XRCC4: variants seen among roughly 807,000 people sequenced by gnomAD.
XRCC4 encodes the protein X-ray repair cross complementing 4.
XRCC4 carries 28 observed loss-of-function variants against 39.1 expected under a neutral mutation model. That is an observed-to-expected ratio of 0.72 (90% CI 0.53 to 0.98). The LOEUF (loss-of-function observed/expected upper bound fraction) is 0.98, where lower values mean the gene tolerates loss of function less well. XRCC4 is among the 50% of genes least tolerant of loss of function. The pLI, the probability that XRCC4 is intolerant of heterozygous loss-of-function variation, is 0.00. For synonymous variants in XRCC4, 123 were observed against 126.4 expected (o/e 0.97, Z 0.18); for missense variants, 350 against 376.4 (o/e 0.93, Z 0.58).
At position 83,270,210 on chromosome 5, in the gene XRCC4, C is replaced by T. The variant is rs571952593; in HGVS notation, c.893+11533C>T. 8.5e-5 allele frequency among the ~76,000 whole-genome samples: 13 copies of T among 152,170 alleles called. No individual in the cohort carries two copies. The South Asian group carries it at 1.7e-3, about 19-fold the overall frequency. On this transcript the variant is annotated intron_variant, in intron 7 of 7. Coordinates refer to ENST00000396027, the MANE Select transcript of XRCC4 (RefSeq NM_003401.5). ...AGGTGGTAATGTGAGTGATGGGAGG[C>T]GGCTGTAAATACAGATGAAGCTTAC...
intron 7 of XRCC4, chr5:83,280,099 C>G: frequency 4.8e-6 from 1 of 206,668 alleles, no homozygotes; most frequent in Non-Finnish European, 1.0e-5. Flanking sequence ...CAGAGGTACA[C>G]ATTTTTCAGT....
chr5:83,269,415 A>G lies in XRCC4; in HGVS notation c.893+10738A>G, dbSNP rs375840059. On this transcript the variant is annotated intron_variant, in intron 7 of 7. Transcript: ENST00000396027. ...TACAGTACAATGTGATAATGAGGCC[A>G]ATTGGTGTAATAGTTCCAAGTACAT... 4.4e-4 allele frequency among the ~76,000 whole-genome samples: 67 copies of G among 151,234 alleles called. 1 individual carries two copies. Among genetic ancestry groups the G allele is most frequent in the African/African-American group, 1.5e-3 (63 of 41,164 alleles).
At chr5:83,351,116 TA>T (rs1021969058) in intron 7 of XRCC4, among the ~76,000 whole-genome samples, 6 of 152,106 alleles carry the variant, frequency 3.9e-5, no homozygotes, top group Non-Finnish European at 8.8e-5. Flanking sequence ...AGATCTGGTT[TA>T]AAAATGTGTG....
intron 7 of XRCC4, among the ~76,000 whole-genome samples, chr5:83,288,117 T>C (rs1754796503): frequency 6.6e-6 from 1 of 151,968 alleles, no homozygotes; most frequent in Non-Finnish European, 1.5e-5. Context: ...TTCATTTTCA[T>C]TGTGGCTTAA....
At chr5:83,265,255 G>A (rs1753914400) in intron 7 of XRCC4, among the ~76,000 whole-genome samples, 2 of 152,068 alleles carry the variant, frequency 1.3e-5, no homozygotes, top group African/African-American at 4.8e-5. Flanking sequence ...CTTTTTAAAT[G>A]TCAAATTAGG....
Position 83,313,063 on chromosome 5 carries a change from TTTTC to T in XRCC4, c.894-40064_894-40061del, listed in dbSNP as rs780514133. Reference sequence around the variant, plus strand: ...GAAACCATGCCAAAAAATGTCTCTTTTTTCTTTTCTTTTCTTTCTTTTTTTTTTT... The same window carrying T: ...GAAACCATGCCAAAAAATGTCTCTTTTTTTCTTTTCTTTCTTTTTTTTTTT... On this transcript the variant is annotated intron_variant, in intron 7 of 7. Coordinates refer to ENST00000396027, the MANE Select transcript of XRCC4 (RefSeq NM_003401.5). Among the ~76,000 whole-genome samples the T allele has an allele frequency of 1.9e-3, 241 of 126,014 alleles. 2 individuals are homozygous for T. The highest frequency in any genetic ancestry group is 0.017 in the Middle Eastern group (4 of 232). 82.7% of individuals were successfully genotyped at this position (126,014 alleles called of 152,430 possible).
chr5:83,341,563 AACT>A (rs1756760228), intron 7 of XRCC4, among the ~76,000 whole-genome samples: 1 of 152,112 alleles, frequency 6.6e-6, no homozygotes, highest in Admixed American at 6.6e-5. Flanking sequence ...TATCTTACAG[AACT>A]ACCTTTTGAG....
Position 83,298,187 on chromosome 5 carries a change from T to G in XRCC4, c.893+39510T>G, listed in dbSNP as rs752999517. Among the ~76,000 whole-genome samples the G allele has an allele frequency of 4.0e-5, 6 of 151,808 alleles. No individual in the cohort carries two copies. The East Asian group carries it at 1.2e-3, about 29-fold the overall frequency. ...TGTATGAATCCAGTCCTTTGAAGTT[T>G]GTTGAAAACCGTCTATGGCACCATA... On this transcript the variant is annotated intron_variant, in intron 7 of 7. Coordinates refer to ENST00000396027, the MANE Select transcript of XRCC4 (RefSeq NM_003401.5).
At chr5:83,350,418 C>T (rs1013119458) in intron 7 of XRCC4, among the ~76,000 whole-genome samples, 1 of 152,158 alleles carries the variant, frequency 6.6e-6, no homozygotes, top group African/African-American at 2.4e-5. Context: ...TGCAGCCTCT[C>T]CAGCATATAT....
intron 3 of XRCC4, among the ~76,000 whole-genome samples, chr5:83,192,158 T>TTATA (rs571672763): frequency 0.014 from 2,151 of 149,834 alleles, 64 homozygotes; most frequent in African/African-American, 0.051. Flanking sequence ...CTATGATTCT[T>TTATA]TATATATATA....
chr5:83,081,998 C>T (rs916296349), intron 1 of XRCC4, among the ~76,000 whole-genome samples: 1 of 152,064 alleles, frequency 6.6e-6, no homozygotes, highest in Non-Finnish European at 1.5e-5. Flanking sequence ...ATCCTTGACT[C>T]CTTCCTTTCT....
At chr5:83,178,332 CA>C (rs1357440709) in intron 3 of XRCC4, among the ~76,000 whole-genome samples, 8 of 152,122 alleles carry the variant, frequency 5.3e-5, no homozygotes, top group African/African-American at 1.9e-4. Flanking sequence ...TGAAATTCAT[CA>C]GCATATTGTT....
At chr5:83,340,019 G>A (rs369674573) in intron 7 of XRCC4, among the ~76,000 whole-genome samples, 5 of 152,062 alleles carry the variant, frequency 3.3e-5, no homozygotes, top group African/African-American at 1.2e-4. Context: ...GATAGTGGTC[G>A]CGAGCCTGTC....
At chr5:83,147,265 C>G (rs943385515) in intron 3 of XRCC4, among the ~76,000 whole-genome samples, 5 of 152,034 alleles carry the variant, frequency 3.3e-5, no homozygotes, top group African/African-American at 1.2e-4. Context: ...CTCTAAGAAA[C>G]AAACAAAAAC....
At position 83,203,709 on chromosome 5, in the gene XRCC4, T is replaced by C; in HGVS notation, c.638+2T>C. ...AGAAAAGGACATCAAACAAGAAGGGTATTTTCGCTATCTTGTTTTTGGATG... is the reference window on the plus strand; with the variant it reads ...AGAAAAGGACATCAAACAAGAAGGGCATTTTCGCTATCTTGTTTTTGGATG... On this transcript the variant is annotated splice_donor_variant, in intron 5 of 7. Coordinates refer to ENST00000396027, the MANE Select transcript of XRCC4 (RefSeq NM_003401.5). LOFTEE classifies it high-confidence loss of function. 1 of 1,607,156 alleles carries C rather than the reference T, an allele frequency of 6.2e-7. No homozygotes were observed. The highest frequency in any genetic ancestry group is 8.5e-7 in the Non-Finnish European group (1 of 1,177,552).
rs192223658 is a variant in XRCC4 at position 83,352,063 on chromosome 5, C to A, written c.894-1068C>A. On this transcript the variant is annotated intron_variant, in intron 7 of 7. Coordinates refer to ENST00000396027, the MANE Select transcript of XRCC4 (RefSeq NM_003401.5). ...TCTTTAGACCACCTCTAGACAAATA[C>A]TAATATCTCAGTTTTACAGTGGACA... Among the ~76,000 whole-genome samples the A allele has an allele frequency of 1.8e-3, 270 of 152,224 alleles. 1 individual carries two copies. The highest frequency in any genetic ancestry group is 0.017 in the Middle Eastern group (5 of 294).
chr5:83,201,824 A>G (rs1580363525), intron 4 of XRCC4: 1 of 152,440 alleles, frequency 6.6e-6, no homozygotes, highest in Non-Finnish European at 1.5e-5. Flanking sequence ...CAGATGGATC[A>G]CGAGCTCAGG....
chr5:83,367,727 T>C, the XRCC4 span, among the ~76,000 whole-genome samples: 1 of 151,236 alleles, frequency 6.6e-6, no homozygotes, highest in Non-Finnish European at 1.5e-5. Context: ...AGGCTGGGAT[T>C]ACAGGAGCCC....
intron 6 of XRCC4, among the ~76,000 whole-genome samples, chr5:83,233,816 C>T (rs1459913500): frequency 6.7e-6 from 1 of 149,228 alleles, no homozygotes; most frequent in African/African-American, 2.5e-5. Flanking sequence ...GCAGAAGAAT[C>T]GCTTGAACCT....
Sources: gnomAD v4.1 joint callset for allele counts (sites outside exome capture counted in the v4.1 genomes callset) on GRCh38, gnomAD v4.1.1 for gene constraint, MANE v1.5 for transcripts, NCBI Gene and HGNC (gene_info 2026-07-23, HGNC 2026-07-21) for gene names.